The following CCNY variants were observed in gnomAD, a reference collection of about 807,000 sequenced individuals.
The protein encoded by CCNY is cyclin Y, also known as cyclin-Y.
CCNY carries 19 observed loss-of-function variants against 42.8 expected under a neutral mutation model. The observed-to-expected ratio is 0.44, with a 90% CI of 0.31 to 0.65. CCNY has a LOEUF of 0.65. Ranked by LOEUF, CCNY falls within the 30% of genes least tolerant of loss-of-function variation. CCNY has a pLI of 0.07. For missense variants in CCNY, 370 were observed against 437.3 expected, an observed-to-expected ratio of 0.85 and a Z score of 1.37; for synonymous variants, 165 against 162.7, an observed-to-expected ratio of 1.01 and a Z score of -0.11.
At chr10:35,281,091 T>A (rs1835294609) in intron 3 of CCNY, among the ~76,000 whole-genome samples, 1 of 151,894 alleles carries the variant, frequency 6.6e-6, no homozygotes, top group Non-Finnish European at 1.5e-5. Context: ...AGACATCAGG[T>A]AAAAAGAGGG....
In CCNY at chr10:35,516,541, G is replaced by A. The variant is rs1338942848; in HGVS notation, c.283G>A (p.Ala95Thr). 3 of 1,612,848 alleles carry A rather than the reference G, an allele frequency of 1.9e-6. No individual in the cohort carries two copies. The highest frequency in any genetic ancestry group is 2.5e-6 in the Non-Finnish European group (3 of 1,179,338). ...TTTCTAGCATCCTCCAGGACAAATA[G>A]CAAGGAAATACAGTTCCTGCTCCAC... The part of the protein sequence containing the change: ...FINHHPPGQI[A>T]RKYSSCSTIF... Residue 95 changes from alanine (A) to threonine (T), a missense_variant, in exon 4 of 10, where the codon GCA becomes ACA. Ala to Thr is a moderately conservative substitution (Grantham distance 58). Around this residue, in one of 2 missense-constraint regions of CCNY, gnomAD observed 234 missense variants for 313.1 expected, o/e 0.75. Coordinates refer to ENST00000374704, the MANE Select transcript of CCNY (RefSeq NM_145012.6).
rs192946372 is a variant in CCNY, at chr10:35,413,775, C to T, written c.155-69629C>T. Among the ~76,000 whole-genome samples, 369 of 152,156 alleles carry T rather than the reference C, an allele frequency of 2.4e-3. 1 individual carries two copies. Among genetic ancestry groups the T allele is most frequent in the Middle Eastern group, 0.01 (3 of 294 alleles). On this transcript the variant is annotated intron_variant, in intron 1 of 9. Coordinates refer to ENST00000374704, the MANE Select transcript of CCNY (RefSeq NM_145012.6). ...CCCAGCACCATGGCTATGGGAATAT[C>T]GGGAGTTGAGGAAGAAAAAGGCTCC...
intron 7 of CCNY, among the ~76,000 whole-genome samples, chr10:35,551,311 C>CA (rs1314760257): frequency 6.6e-6 from 1 of 152,054 alleles, no homozygotes; most frequent in Non-Finnish European, 1.5e-5. Context: ...CAAAACAAAA[C>CA]AAAAAACCTT....
In CCNY at chr10:35,572,069, A is replaced by G. The variant is rs1289378548; in HGVS notation, c.*2899A>G. On this transcript the variant is annotated 3_prime_UTR_variant, in exon 10 of 10. Transcript: ENST00000374704. ...CCAAGATCGGGATGTGCCTTCATGCATGAGGTGAGGCCAGAGGTGTGGGCA... is the reference window on the plus strand; with the variant it reads ...CCAAGATCGGGATGTGCCTTCATGCGTGAGGTGAGGCCAGAGGTGTGGGCA... 1 of 152,022 alleles carries G rather than the reference A, an allele frequency of 6.6e-6. No individual in the cohort carries two copies. Among genetic ancestry groups the G allele is most frequent in the Non-Finnish European group, 1.5e-5 (1 of 68,028 alleles). 9.4% of individuals were successfully genotyped at this position (152,022 alleles called of 1,614,324 possible). A position where few individuals can be genotyped will look rare whatever the true frequency, so the allele number is the denominator to read the frequency against.
At chr10:35,548,510 A>C (rs34094577) in intron 7 of CCNY, among the ~76,000 whole-genome samples, 40,176 of 151,730 alleles carry the variant, frequency 0.26, 5,780 homozygotes, top group East Asian at 0.4. Flanking sequence ...GTTGGCCAGG[A>C]TGGTCTCGAT....
At chr10:35,280,470 G>C (rs977298485) in intron 3 of CCNY, among the ~76,000 whole-genome samples, 1 of 138,624 alleles carries the variant, frequency 7.2e-6, no homozygotes, top group East Asian at 2.1e-4. Context: ...AAGGGAGGAA[G>C]GAAGGAAAGA....
At chr10:35,492,466 T>TC (rs1427781757) in intron 2 of CCNY, among the ~76,000 whole-genome samples, 2 of 152,242 alleles carry the variant, frequency 1.3e-5, no homozygotes, top group Non-Finnish European at 2.9e-5. Flanking sequence ...AGCATTTTTT[T>TC]TTTCTTTCTT....
chr10:35,395,093 T>G (rs1278239791), intron 1 of CCNY, among the ~76,000 whole-genome samples: 2 of 152,140 alleles, frequency 1.3e-5, no homozygotes, highest in African/African-American at 4.8e-5. Flanking sequence ...ATCCTCACTT[T>G]CCTATGTAGT....
At chr10:35,515,251 A>T (rs929296193) in intron 3 of CCNY, among the ~76,000 whole-genome samples, 2 of 152,156 alleles carry the variant, frequency 1.3e-5, no homozygotes, top group Non-Finnish European at 2.9e-5. Context: ...TTTGCTGTTG[A>T]TGTGAGACTA....
intron 8 of CCNY, among the ~76,000 whole-genome samples, chr10:35,556,278 A>T (rs1398214601): frequency 6.6e-6 from 1 of 152,148 alleles, no homozygotes; most frequent in East Asian, 1.9e-4. Context: ...ACCTTTTTCC[A>T]CTGCCCTCTG....
chr10:35,312,838 A>G (rs1440494434), intron 3 of CCNY, among the ~76,000 whole-genome samples: 1 of 149,394 alleles, frequency 6.7e-6, no homozygotes, highest in Non-Finnish European at 1.5e-5. Flanking sequence ...TGTAGCCTCA[A>G]ACTCCTAGGC....
At chr10:35,348,264 A>G (rs1211006298) in intron 1 of CCNY, among the ~76,000 whole-genome samples, 2 of 152,222 alleles carry the variant, frequency 1.3e-5, no homozygotes, top group Non-Finnish European at 2.9e-5. Flanking sequence ...TTTCTGTAAG[A>G]TAAGTCTGAT....
At chr10:35,473,692 G>A (rs1839437450) in intron 1 of CCNY, among the ~76,000 whole-genome samples, 1 of 152,164 alleles carries the variant, frequency 6.6e-6, no homozygotes, top group Admixed American at 6.5e-5. Flanking sequence ...AGTGTATTTT[G>A]TCTATAATCT....
intron 1 of CCNY, among the ~76,000 whole-genome samples, chr10:35,398,806 C>A (rs1346754710): frequency 6.6e-6 from 1 of 152,162 alleles, no homozygotes; most frequent in Non-Finnish European, 1.5e-5. Context: ...AAAATATGCT[C>A]AATTTTTATT....
intron 5 of CCNY, among the ~76,000 whole-genome samples, chr10:35,527,680 CA>C (rs1251209636): frequency 6.6e-6 from 1 of 152,080 alleles, no homozygotes. Flanking sequence ...TAAATTGCAC[CA>C]AAAGTAAGTG....
rs953593912 is a variant in CCNY at position 35,570,158 on chromosome 10, C to G, written c.*988C>G. On this transcript the variant is annotated 3_prime_UTR_variant, in exon 10 of 10. Coordinates refer to ENST00000374704, the MANE Select transcript of CCNY (RefSeq NM_145012.6). ...CCATTGTTGCAAGCAATATTCTTCT[C>G]AATTTTTATATGTTTACTTTAAATC... 1 of 152,544 alleles carries G rather than the reference C, an allele frequency of 6.6e-6. No individual in the cohort carries two copies. The highest frequency in any genetic ancestry group is 2.1e-4 in the South Asian group (1 of 4,824). The allele number at this position is 152,544 out of a possible 1,614,324, so 9.4% of individuals were successfully genotyped here.
At position 35,304,297 on chromosome 10, in the gene CCNY, T is replaced by A. The variant is rs538101218; in HGVS notation, c.-9+53671T>A. The stretch of plus-strand genomic sequence containing the variant: ...GAAAAGGCTTTTTTCTCCTTTTATT[T>A]TTTTTTTTTTTTTATTTTTTATTTT... On this transcript the variant is annotated intron_variant, in intron 3 of 11. Coordinates refer to the CCNY transcript ENST00000374706. Among the ~76,000 whole-genome samples, 107 of 113,356 alleles carry A rather than the reference T, an allele frequency of 9.4e-4. 34 individuals carry two copies. Among genetic ancestry groups the A allele is most frequent in the East Asian group, 2.2e-3 (9 of 4,048 alleles). The allele number at this position is 113,356 out of a possible 152,430, so 74.4% of individuals were successfully genotyped here.
At chr10:35,469,835 G>T (rs1194825974) in intron 1 of CCNY, among the ~76,000 whole-genome samples, 2 of 150,856 alleles carry the variant, frequency 1.3e-5, no homozygotes, top group Admixed American at 1.3e-4. Context: ...TGGAGAGACA[G>T]GGCGATGGAG....
chr10:35,328,934 T>C (rs937305431), intron 3 of CCNY, among the ~76,000 whole-genome samples: 2 of 152,244 alleles, frequency 1.3e-5, no homozygotes, highest in African/African-American at 4.8e-5. Flanking sequence ...CAGAGCTTAC[T>C]TGGAGAAATG....
Sources: gnomAD v4.1 joint callset for allele counts (sites outside exome capture counted in the v4.1 genomes callset) on GRCh38, gnomAD v4.1.1 for gene constraint, gnomAD v4.1.1 regional missense constraint, MANE v1.5 for transcripts, NCBI Gene and HGNC (gene_info 2026-07-23, HGNC 2026-07-21) for gene names.